Variants in SPOCK1 observed in about 807,000 individuals in gnomAD.
SPOCK1 encodes testican-1.
A neutral mutation model predicts 55.3 loss-of-function variants in SPOCK1; 23 were observed. The ratio of observed to expected loss-of-function variants is 0.42; its 90% CI spans 0.30 to 0.59. The LOEUF is 0.59. Among genes scored for constraint, SPOCK1 ranks in the 20% least tolerant of loss-of-function variants. The pLI is 0.22. For synonymous variants in SPOCK1, 226 were observed against 221.0 expected (o/e 1.02, Z -0.20); for missense variants, 499 against 552.5 (o/e 0.90, Z 0.97).
At chr5:137,434,338 G>C (rs1021111774) in intron 2 of SPOCK1, among the ~76,000 whole-genome samples, 111 of 152,180 alleles carry the variant, frequency 7.3e-4, no homozygotes, top group Non-Finnish European at 1.2e-3. Flanking sequence ...AATGATCTTT[G>C]ATAGATCTGC....
chr5:137,062,764 A>G (rs1752417858), intron 6 of SPOCK1, among the ~76,000 whole-genome samples: 1 of 152,108 alleles, frequency 6.6e-6, no homozygotes, highest in Admixed American at 6.5e-5. Context: ...CCCCAGCCCA[A>G]CGCAGAGATT....
At chr5:137,179,184 A>G (rs1214463144) in intron 3 of SPOCK1, among the ~76,000 whole-genome samples, 2 of 152,226 alleles carry the variant, frequency 1.3e-5, no homozygotes, top group African/African-American at 2.4e-5. Flanking sequence ...AACCACATCT[A>G]TAGTGGTTTA....
chr5:137,417,137 T>C (rs1476035616), intron 2 of SPOCK1, among the ~76,000 whole-genome samples: 1 of 152,034 alleles, frequency 6.6e-6, no homozygotes. Flanking sequence ...GTCTCATCTT[T>C]TCATTTTCTT....
chr5:137,428,745 G>C (rs530910153), intron 2 of SPOCK1, among the ~76,000 whole-genome samples: 16 of 152,260 alleles, frequency 1.1e-4, no homozygotes, highest in Admixed American at 2.0e-4. Context: ...CAGACAACCA[G>C]AATTATGGGA....
chr5:137,343,817 T>G (rs950248284), intron 2 of SPOCK1, among the ~76,000 whole-genome samples: 2 of 152,174 alleles, frequency 1.3e-5, no homozygotes, highest in African/African-American at 4.8e-5. Context: ...TGTAAGGTGC[T>G]GGGGGCTACT....
intron 6 of SPOCK1, among the ~76,000 whole-genome samples, chr5:137,055,254 C>G (rs1031240872): frequency 2.0e-5 from 3 of 152,162 alleles, no homozygotes; most frequent in Non-Finnish European, 2.9e-5. Flanking sequence ...AGCATAGGAC[C>G]TGGGCACAGA....
At chr5:137,355,149 C>T (rs1041198687) in intron 2 of SPOCK1, among the ~76,000 whole-genome samples, 4 of 152,004 alleles carry the variant, frequency 2.6e-5, no homozygotes, top group Admixed American at 2.6e-4. Flanking sequence ...AATCCACCCA[C>T]CTCAGCCTCC....
intron 6 of SPOCK1, among the ~76,000 whole-genome samples, chr5:137,066,615 G>A (rs1037501460): frequency 5.3e-5 from 8 of 152,156 alleles, no homozygotes; most frequent in East Asian, 3.9e-4. Context: ...ACTACAAAGA[G>A]GCTTATGTAT....
chr5:137,477,437 A>G (rs145517858), intron 2 of SPOCK1, among the ~76,000 whole-genome samples: 2 of 152,006 alleles, frequency 1.3e-5, no homozygotes, highest in African/African-American at 2.4e-5. Flanking sequence ...AATTCTGGAG[A>G]GGCACAATCC....
chr5:137,132,212 A>G (rs1174831417), intron 4 of SPOCK1, among the ~76,000 whole-genome samples: 4 of 146,288 alleles, frequency 2.7e-5, no homozygotes, highest in Non-Finnish European at 4.5e-5. Context: ...AGAACTTGCT[A>G]GGAATTTTGT....
chr5:137,297,413 T>C (rs1391915210), intron 2 of SPOCK1, among the ~76,000 whole-genome samples: 2 of 152,170 alleles, frequency 1.3e-5, no homozygotes, highest in Non-Finnish European at 1.5e-5. Flanking sequence ...TTGTTAAGCA[T>C]GCACAACAAA....
intron 2 of SPOCK1, among the ~76,000 whole-genome samples, chr5:137,329,848 G>T (rs1758139048): frequency 6.6e-6 from 1 of 152,168 alleles, no homozygotes; most frequent in South Asian, 2.1e-4. Context: ...TCTAGGTAAG[G>T]ATCTGAAAGA....
chr5:137,093,773 A>G (rs1561606615), intron 5 of SPOCK1, among the ~76,000 whole-genome samples: 1 of 152,240 alleles, frequency 6.6e-6, no homozygotes, highest in African/African-American at 2.4e-5. Flanking sequence ...AGCTCAGCAC[A>G]TTGGAAGCAG....
chr5:137,352,903 T>C (rs973574028), intron 2 of SPOCK1, among the ~76,000 whole-genome samples: 8 of 152,230 alleles, frequency 5.3e-5, no homozygotes, highest in Non-Finnish European at 8.8e-5. Flanking sequence ...CCCGTCTCCA[T>C]ATTCTTTTCT....
At chr5:137,009,544 T>C (rs1751312490) in intron 6 of SPOCK1, among the ~76,000 whole-genome samples, 1 of 152,178 alleles carries the variant, frequency 6.6e-6, no homozygotes, top group Admixed American at 6.6e-5. Context: ...TAAATACATA[T>C]AAATGAGTGA....
intron 3 of SPOCK1, among the ~76,000 whole-genome samples, chr5:137,234,350 C>A (rs1756131759): frequency 6.6e-6 from 1 of 152,162 alleles, no homozygotes; most frequent in African/African-American, 2.4e-5. Context: ...AAACACCATG[C>A]CTGGGCCACC....
intron 2 of SPOCK1, chr5:137,273,285 C>T: frequency 2.7e-6 from 2 of 736,902 alleles, no homozygotes; most frequent in Non-Finnish European, 3.3e-6. Flanking sequence ...ATATTTACTA[C>T]TGAGATTTCA....
intron 5 of SPOCK1, among the ~76,000 whole-genome samples, chr5:137,068,371 C>T (rs1752549380): frequency 6.6e-6 from 1 of 152,184 alleles, no homozygotes; most frequent in Non-Finnish European, 1.5e-5. Context: ...TGTCCAAAAC[C>T]TAAGTTTACA....
At chr5:137,432,979 C>G (rs1377007909) in intron 2 of SPOCK1, among the ~76,000 whole-genome samples, 1 of 152,152 alleles carries the variant, frequency 6.6e-6, no homozygotes, top group Non-Finnish European at 1.5e-5. Context: ...ATGCAGCAAA[C>G]AAGCATATTT....
Sources: allele counts gnomAD v4.1 joint callset (sites outside exome capture counted in the v4.1 genomes callset), GRCh38; gene constraint gnomAD v4.1.1; transcripts MANE v1.5; gene names NCBI Gene and HGNC (gene_info 2026-07-23, HGNC 2026-07-21).